The following BSG variants were observed in gnomAD, a reference collection of about 807,000 sequenced individuals.
BSG encodes basigin (Ok blood group), also known as basigin.
A neutral mutation model predicts 43.1 loss-of-function variants in BSG; 37 were observed. That is an observed-to-expected ratio of 0.86 (90% CI 0.66 to 1.13). The LOEUF is 1.13. Ranked by LOEUF, BSG falls within the 50% of genes most tolerant of loss-of-function variation. The pLI is 0.00. For missense variants in BSG, 599 were observed against 554.2 expected, an observed-to-expected ratio of 1.08 and a Z score of -0.81; for synonymous variants, 309 against 238.7, an observed-to-expected ratio of 1.29 and a Z score of -2.72.
At chr19:580,240 G>T (rs974459382) in intron 3 of BSG, 139 bp from the exon 4 acceptor site, 3 of 719,772 alleles carry the variant, frequency 4.2e-6, no homozygotes, top group Non-Finnish European at 6.9e-6. Flanking sequence ...GGGGACCCCA[G>T]GAGTTCTTTT....
Position 579,632 on chromosome 19 carries a change from T to A in BSG, c.548T>A (p.Leu183Gln), listed in dbSNP as rs529058293. 7.4e-6 allele frequency: 12 copies of A among 1,611,076 alleles called. No homozygotes were observed. The African/African-American group carries it at 1.6e-4, about 21-fold the overall frequency. Residue 183 changes from leucine to glutamine, a missense_variant, in exon 3 of 9, where the codon CTG becomes CAG. By Grantham distance (113) the Leu-to-Gln change is moderately radical (BLOSUM62 -2). Transcript: ENST00000333511. ...KGGVVLKEDA[L>Q]PGQKTEFKVD... is the part of the protein sequence containing the mutation. The stretch of plus-strand genomic sequence containing the variant: ...GGCGTGGTGCTGAAGGAGGACGCGC[T>A]GCCCGGCCAGAAAACGGAGTTCAAG...
intron 6 of BSG, 33 bp downstream of exon 6, chr19:581,624 G>C (rs28992480): frequency 6.5e-7 from 1 of 1,544,216 alleles, no homozygotes; most frequent in South Asian, 1.2e-5. Context: ...CACATGCCCT[G>C]CTCTCGGGGT....
At chr19:577,704 G>C (rs1281380570) in intron 1 of BSG, 70 bp from the exon 2 acceptor site, 6 of 1,261,448 alleles carry the variant, frequency 4.8e-6, no homozygotes, top group Non-Finnish European at 6.1e-6. Context: ...TGTGGGCGAG[G>C]CCTTCCCCAG....
At chr19:572,463 A>G, upstream of BSG, 1 of 1,161,544 alleles carries the variant, frequency 8.6e-7, no homozygotes, top group Non-Finnish European at 1.1e-6. Context: ...CGTACATGCG[A>G]GCGTGTGCGC....
Position 580,406 on chromosome 19 carries a change from G to A in BSG, c.600G>A (p.Glu200=), listed in dbSNP as rs1487220462. 2 of 1,611,302 alleles carry A rather than the reference G, an allele frequency of 1.2e-6. No homozygotes were observed. Among genetic ancestry groups the A allele is most frequent in the Admixed American group, 3.3e-5 (2 of 60,008 alleles). Residue 200 remains glutamate, a synonymous_variant, in exon 4 of 9, where the codon GAG becomes GAA. Coordinates refer to ENST00000333511, the MANE Select transcript of BSG (RefSeq NM_001728.4). ...TGGACTCCGACGACCAGTGGGGAGA[G>A]TACTCCTGCGTCTTCCTCCCCGAGC... is the stretch of plus-strand genomic sequence containing the variant. ...FKVDSDDQWG[E]YSCVFLPEPM...
chr19:575,937 C>G (rs1206573029), intron 1 of BSG, among the ~76,000 whole-genome samples: 1 of 152,106 alleles, frequency 6.6e-6, no homozygotes. Flanking sequence ...GCTTTCTCTT[C>G]CGGACGCCCC....
At chr19:580,496 G>C (rs372036679) in intron 4 of BSG, 35 bp downstream of exon 4, 3 of 1,607,966 alleles carry the variant, frequency 1.9e-6, no homozygotes, top group Non-Finnish European at 1.7e-6. Context: ...GGGCACCACC[G>C]ACTGTCGGGA....
At chr19:579,722 T>C in intron 3 of BSG, 66 bp downstream of exon 3, 1 of 1,544,496 alleles carries the variant, frequency 6.5e-7, no homozygotes. Context: ...GCCAGCGGCC[T>C]GTGGTCCGTG....
chr19:574,747 C>G (rs1204714737), intron 1 of BSG, among the ~76,000 whole-genome samples: 2 of 152,184 alleles, frequency 1.3e-5, no homozygotes, highest in Admixed American at 6.5e-5. Flanking sequence ...AACTCCTGAC[C>G]TACGTCTGAG....
intron 2 of BSG, chr19:578,734 ATT>A (rs369117622): frequency 0.015 from 3,673 of 241,364 alleles, no homozygotes; most frequent in South Asian, 0.039. Context: ...TGCTGTGGCT[ATT>A]TTTTTTTTTT....
intron 2 of BSG, chr19:578,982 G>A (rs1269509474): frequency 2.2e-6 from 1 of 452,708 alleles, no homozygotes; most frequent in Non-Finnish European, 4.4e-6. Context: ...CACCCGCCTT[G>A]GCCTCCCAAA....
At chr19:571,383 C>T, upstream of BSG, 1 of 622,370 alleles carries the variant, frequency 1.6e-6, no homozygotes, top group Non-Finnish European at 2.9e-6. Flanking sequence ...CCAACACACA[C>T]TTTCAACCTC....
At chr19:579,272 G>T (rs1467776611) in intron 2 of BSG, 13 of 583,888 alleles carry the variant, frequency 2.2e-5, no homozygotes, top group Non-Finnish European at 3.9e-5. Flanking sequence ...CCCGAAGGGG[G>T]TGCCTTCCCG....
Position 579,624 on chromosome 19 carries a change from G to A in BSG, c.540G>A (p.Glu180=), listed in dbSNP as rs749874305. 2.5e-6 allele frequency: 4 copies of A among 1,611,938 alleles called. No homozygotes were observed. Among genetic ancestry groups the A allele is most frequent in the Non-Finnish European group, 3.4e-6 (4 of 1,179,560 alleles). ...TGAAGGGGGGCGTGGTGCTGAAGGA[G>A]GACGCGCTGCCCGGCCAGAAAACGG... is the stretch of plus-strand genomic sequence containing the variant. ...RWLKGGVVLK[E]DALPGQKTEF... The change falls in exon 3 of 9, where the codon GAG becomes GAA. Residue 180 remains glutamate, a synonymous_variant. Coordinates refer to ENST00000333511, the MANE Select transcript of BSG (RefSeq NM_001728.4).
At chr19:572,503 C>T, upstream of BSG, 2 of 1,203,022 alleles carry the variant, frequency 1.7e-6, no homozygotes, top group Non-Finnish European at 2.1e-6. Flanking sequence ...CCGGCGTCCC[C>T]GGCGCTCGCC....
chr19:574,771 G>A (rs1981617136), intron 1 of BSG, among the ~76,000 whole-genome samples: 1 of 152,188 alleles, frequency 6.6e-6, no homozygotes, highest in African/African-American at 2.4e-5. Context: ...TCGTCTTCCT[G>A]GTAACCAAAG....
Position 577,958 on chromosome 19 carries a change from C to G in BSG, c.252C>G (p.Thr84=). 6.2e-7 allele frequency: 1 copy of G among 1,611,938 alleles called. No homozygotes were observed. The highest frequency in any genetic ancestry group is 8.5e-7 in the Non-Finnish European group (1 of 1,179,478). The change falls in exon 2 of 9, where the codon ACC becomes ACG. Residue 84 remains threonine (T), a synonymous_variant. Transcript: ENST00000333511. ...ARLDRVHIHA[T]YHQHAASTIS... ...TGGACCGCGTCCACATCCACGCCAC[C>G]TACCACCAGCACGCGGCCAGCACCA...
chr19:582,603 T>C, intron 8 of BSG, 21 bp downstream of exon 8: 2 of 560,450 alleles, frequency 3.6e-6, no homozygotes, highest in South Asian at 6.2e-5. Context: ...CGGGAGCTCC[T>C]CCTGAGCCAG....
chr19:572,860 G>A (rs28915408), intron 1 of BSG, among the ~76,000 whole-genome samples, 159 bp downstream of exon 1: 2,340 of 152,186 alleles, frequency 0.015, 25 homozygotes, highest in Non-Finnish European at 0.023. Context: ...CATGGAGCTT[G>A]GGGGTGAAGT....
Sources: gnomAD v4.1 joint callset for allele counts (sites outside exome capture counted in the v4.1 genomes callset) on GRCh38, gnomAD v4.1.1 for gene constraint, MANE v1.5 for transcripts, NCBI Gene and HGNC (gene_info 2026-07-23, HGNC 2026-07-21) for gene names.